The following MKLN1 variants were observed in gnomAD, a reference collection of about 807,000 sequenced individuals.
MKLN1 encodes muskelin 1.
A neutral mutation model predicts 99.0 loss-of-function variants in MKLN1; 18 were observed. That is an observed-to-expected ratio of 0.18 (90% CI 0.13 to 0.27). The LOEUF is 0.27. Ranked by LOEUF, MKLN1 falls within the 10% of genes least tolerant of loss-of-function variation. The pLI, the probability that MKLN1 is intolerant of heterozygous loss-of-function variation, is 1.00. For synonymous variants in MKLN1, 288 were observed against 293.2 expected, an observed-to-expected ratio of 0.98 and a Z score of 0.18; for missense variants, 621 against 875.9, an observed-to-expected ratio of 0.71 and a Z score of 3.67.
intron 2 of MKLN1, among the ~76,000 whole-genome samples, chr7:131,194,685 C>T (rs1459875997): frequency 6.6e-6 from 1 of 152,240 alleles, no homozygotes; most frequent in Non-Finnish European, 1.5e-5. Context: ...TACTCCTTCT[C>T]AAGCTTAACA....
chr7:131,432,351 T>C (rs1192594489), intron 9 of MKLN1, among the ~76,000 whole-genome samples: 2 of 152,210 alleles, frequency 1.3e-5, no homozygotes, highest in African/African-American at 2.4e-5. Flanking sequence ...CATATACATA[T>C]GTTGTAAGTA....
At chr7:131,140,781 T>G (rs553155708) in intron 1 of MKLN1, among the ~76,000 whole-genome samples, 165 of 151,888 alleles carry the variant, frequency 1.1e-3, no homozygotes, top group South Asian at 3.7e-3. Flanking sequence ...ATCCTTTTTT[T>G]TTTTGTTTTG....
Position 131,242,459 on chromosome 7 carries a change from C to G in MKLN1, c.-179+39485C>G, listed in dbSNP as rs1420145389. ...GCTGACGTGTGAGGATCCCTTGAGCCCAGGAGTTTGAGACTAAAGTGAGCT... is the reference window on the plus strand; with the variant it reads ...GCTGACGTGTGAGGATCCCTTGAGCGCAGGAGTTTGAGACTAAAGTGAGCT... On this transcript the variant is annotated intron_variant, in intron 3 of 7. Coordinates refer to the MKLN1 transcript ENST00000416992. 3 of 212,416 alleles carry G rather than the reference C, an allele frequency of 1.4e-5. 1 individual carries two copies. The South Asian group carries it at 2.0e-4, about 14-fold the overall frequency. The allele number at this position is 212,416 out of a possible 1,614,324, so 13.2% of individuals were successfully genotyped here.
chr7:131,311,599 G>T (rs187463832), intron 3 of MKLN1, among the ~76,000 whole-genome samples: 7 of 152,238 alleles, frequency 4.6e-5, no homozygotes, highest in Admixed American at 2.6e-4. Context: ...CTTAATTTTA[G>T]AATTTGAAAT....
intron 9 of MKLN1, among the ~76,000 whole-genome samples, chr7:131,433,792 A>G (rs1485836893): frequency 6.6e-6 from 1 of 152,238 alleles, no homozygotes; most frequent in African/African-American, 2.4e-5. Context: ...TAGAATCACC[A>G]ATTTCTAGAA....
intron 2 of MKLN1, among the ~76,000 whole-genome samples, chr7:131,156,008 G>A (rs1795957780): frequency 6.6e-6 from 1 of 152,112 alleles, no homozygotes; most frequent in Non-Finnish European, 1.5e-5. Flanking sequence ...ATAAAATTAG[G>A]TAAAAGAGCA....
At chr7:131,124,477 T>C (rs1303467509) in intron 1 of MKLN1, among the ~76,000 whole-genome samples, 5 of 152,206 alleles carry the variant, frequency 3.3e-5, no homozygotes, top group Non-Finnish European at 4.4e-5. Context: ...GGAGCCCTAC[T>C]TATGGGTCCA....
intron 3 of MKLN1, among the ~76,000 whole-genome samples, chr7:131,304,622 C>G (rs879812091): frequency 3.9e-5 from 6 of 152,194 alleles, no homozygotes; most frequent in Non-Finnish European, 7.3e-5. Flanking sequence ...TGCCCTTTAA[C>G]AGTTAGCACT....
At chr7:131,478,127 A>G (rs949154700) in intron 16 of MKLN1, among the ~76,000 whole-genome samples, 1 of 152,240 alleles carries the variant, frequency 6.6e-6, no homozygotes, top group Non-Finnish European at 1.5e-5. Flanking sequence ...TGGAATCTCA[A>G]TCTAAGTTGT....
chr7:131,457,639 G>T (rs1796387233), intron 12 of MKLN1, among the ~76,000 whole-genome samples: 1 of 152,192 alleles, frequency 6.6e-6, no homozygotes, highest in South Asian at 2.1e-4. Flanking sequence ...TTTAAGCCCG[G>T]GCACGGGGGC....
chr7:131,143,031 G>A, intron 2 of MKLN1: 1 of 932,644 alleles, frequency 1.1e-6, no homozygotes, highest in Non-Finnish European at 1.5e-6. Context: ...CTTCTCTCTG[G>A]AGTCTTCATC....
rs1214026673 is a variant in MKLN1 at position 131,495,186 on chromosome 7, A to G, written c.*7458A>G. ...TATAAATTGGAAGTACTCAGTAGTC[A>G]GAAATTAAGATCCCCTCTGATAGAG... On this transcript the variant is annotated 3_prime_UTR_variant, in exon 18 of 18. Coordinates refer to ENST00000352689, the MANE Select transcript of MKLN1 (RefSeq NM_013255.5). 2.0e-5 allele frequency: 3 copies of G among 152,232 alleles called. No homozygotes were observed. Among genetic ancestry groups the G allele is most frequent in the African/African-American group, 7.2e-5 (3 of 41,466 alleles). 9.4% of individuals were successfully genotyped at this position (152,232 alleles called of 1,614,324 possible).
At chr7:131,281,787 C>T (rs1400175078) in intron 3 of MKLN1, among the ~76,000 whole-genome samples, 1 of 151,902 alleles carries the variant, frequency 6.6e-6, no homozygotes, top group South Asian at 2.1e-4. Flanking sequence ...GCTCAGCAAT[C>T]ATCCCATCTC....
intron 3 of MKLN1, among the ~76,000 whole-genome samples, chr7:131,216,914 A>G (rs566079141): frequency 5.8e-4 from 89 of 152,290 alleles, no homozygotes; most frequent in African/African-American, 2.1e-3. Flanking sequence ...ACCTGGCTTT[A>G]TTCAACAAGA....
intron 1 of MKLN1, among the ~76,000 whole-genome samples, chr7:131,134,351 C>CT (rs534394167): frequency 1.3e-5 from 2 of 152,012 alleles, no homozygotes; most frequent in South Asian, 2.1e-4. Flanking sequence ...CTGCCTCAGG[C>CT]TTTTTTTCAG....
intron 2 of MKLN1, among the ~76,000 whole-genome samples, chr7:131,189,706 C>A (rs1177417712): frequency 1.3e-5 from 2 of 152,106 alleles, no homozygotes; most frequent in Non-Finnish European, 2.9e-5. Flanking sequence ...GTAGTAATAG[C>A]AGTAGTGAGT....
intron 1 of MKLN1, among the ~76,000 whole-genome samples, chr7:131,366,861 A>G (rs1800197853): frequency 6.6e-6 from 1 of 152,150 alleles, no homozygotes; most frequent in Non-Finnish European, 1.5e-5. Flanking sequence ...AAGCAAGCTT[A>G]GGGTTTAAGC....
At chr7:131,437,717 T>G in intron 9 of MKLN1, 68 bp from the exon 10 acceptor site, 4 of 1,201,008 alleles carry the variant, frequency 3.3e-6, no homozygotes, top group Non-Finnish European at 4.8e-6. Flanking sequence ...AATTTTTCTA[T>G]TATTTGTTCT....
chr7:131,437,740 T>C, intron 9 of MKLN1, 45 bp from the exon 10 acceptor site: 1 of 1,363,992 alleles, frequency 7.3e-7, no homozygotes, highest in Non-Finnish European at 1.0e-6. Flanking sequence ...GATTTTTTTT[T>C]GCTCTTTATT....
Sources: allele counts gnomAD v4.1 joint callset (sites outside exome capture counted in the v4.1 genomes callset), GRCh38; gene constraint gnomAD v4.1.1; transcripts MANE v1.5; gene names NCBI Gene and HGNC (gene_info 2026-07-23, HGNC 2026-07-21).